The following PHLPP1 variants were observed in gnomAD, a reference collection of about 807,000 sequenced individuals.
The protein encoded by PHLPP1 is PH domain and leucine rich repeat protein phosphatase 1, also known as PH domain leucine-rich repeat-containing protein phosphatase 1.
Under a neutral mutation model 117.2 loss-of-function variants are expected in PHLPP1, and 42 were observed. That is an observed-to-expected ratio of 0.36 (90% CI 0.28 to 0.46). The LOEUF (loss-of-function observed/expected upper bound fraction) is 0.46. Among genes scored for constraint, PHLPP1 ranks in the 20% least tolerant of loss-of-function variants. The probability of loss-of-function intolerance (pLI) is 1.00; values close to 1 mark genes in which losing one functional copy is unlikely to be tolerated. For synonymous variants in PHLPP1, 1,042 were observed against 970.7 expected (o/e 1.07, Z -1.37); for missense variants, 2,084 against 2,241.9 (o/e 0.93, Z 1.42).
At chr18:62,849,587 G>A (rs1915267521) in intron 3 of PHLPP1, among the ~76,000 whole-genome samples, 1 of 147,058 alleles carries the variant, frequency 6.8e-6, no homozygotes, top group African/African-American at 2.5e-5. Flanking sequence ...TTTGAACCCA[G>A]GAGGCGAAGC....
At position 62,717,165 on chromosome 18, in the gene PHLPP1, T is replaced by C. The variant is rs1304992988; in HGVS notation, c.1482T>C (p.Asn494=). ...AGGAGAAGCCATTGCAGATCCAAAA[T>C]GACTACCTCTTCCAACTGGGATTTG... ...EAEEKPLQIQ[N]DYLFQLGFGE... Residue 494 remains asparagine, a synonymous_variant, in exon 1 of 17, where the codon AAT becomes AAC. Coordinates refer to ENST00000262719, the MANE Select transcript of PHLPP1 (RefSeq NM_194449.4). The C allele has an allele frequency of 8.1e-6, 13 of 1,597,788 alleles. 1 individual carries two copies. The South Asian group carries it at 1.1e-4, about 14-fold the overall frequency.
In PHLPP1 at chr18:62,716,240, A is replaced by T; in HGVS notation, c.557A>T (p.Gln186Leu). 6.5e-7 allele frequency: 1 copy of T among 1,529,540 alleles called. No individual in the cohort carries two copies. Among genetic ancestry groups the T allele is most frequent in the South Asian group, 1.2e-5 (1 of 83,130 alleles). The allele number at this position is 1,529,540 out of a possible 1,614,324, so 94.7% of individuals were successfully genotyped here. Residue 186 changes from glutamine to leucine, a missense_variant, in exon 1 of 17, where the codon CAG becomes CTG. Physicochemically the swap from Gln to Leu is moderately radical, Grantham distance 113. Transcript: ENST00000262719. The surrounding 1 kb of genome is among the most constrained non-coding windows in gnomAD (Gnocchi z 5.7). The stretch of plus-strand genomic sequence containing the variant: ...CTTCTGAAGCACCGGCAGACGCTGC[A>T]GCTGCAGCCGTCGGACCGGGACTGG... Reference protein sequence around the residue: ...TLLLKHRQTLQLQPSDRDWVR... With the variant: ...TLLLKHRQTLLLQPSDRDWVR...
At chr18:62,949,145 T>C (rs1910380597) in intron 12 of PHLPP1, among the ~76,000 whole-genome samples, 1 of 152,192 alleles carries the variant, frequency 6.6e-6, no homozygotes, top group Admixed American at 6.5e-5. Context: ...CATATAAAGG[T>C]ATTAAGATCA....
intron 1 of PHLPP1, among the ~76,000 whole-genome samples, chr18:62,804,400 T>C (rs972186014): frequency 2.0e-5 from 3 of 152,022 alleles, no homozygotes; most frequent in Non-Finnish European, 4.4e-5. Context: ...TCATTTTTTA[T>C]TGGGTTGCCC....
intron 1 of PHLPP1, among the ~76,000 whole-genome samples, chr18:62,818,294 G>T (rs1403836741): frequency 6.6e-6 from 1 of 152,128 alleles, no homozygotes; most frequent in African/African-American, 2.4e-5. Context: ...ACTTTGGGAA[G>T]CCAAGGCAGG....
intron 1 of PHLPP1, among the ~76,000 whole-genome samples, chr18:62,816,592 A>G (rs973489003): frequency 6.6e-6 from 1 of 152,148 alleles, no homozygotes; most frequent in African/African-American, 2.4e-5. Context: ...AATAATAAAA[A>G]AAAAGAAGTT....
chr18:62,751,495 C>T (rs1410188205), intron 1 of PHLPP1, among the ~76,000 whole-genome samples: 1 of 152,144 alleles, frequency 6.6e-6, no homozygotes, highest in Non-Finnish European at 1.5e-5. Flanking sequence ...CCTTGTTAGT[C>T]CAGTCCAGCT....
chr18:62,814,849 G>A (rs892606609), intron 1 of PHLPP1, among the ~76,000 whole-genome samples: 2 of 152,162 alleles, frequency 1.3e-5, no homozygotes, highest in African/African-American at 4.8e-5. Flanking sequence ...GGAAGTGTAG[G>A]TTATTAAAGT....
At chr18:62,834,995 T>C (rs1914852024) in intron 2 of PHLPP1, among the ~76,000 whole-genome samples, 1 of 152,212 alleles carries the variant, frequency 6.6e-6, no homozygotes, top group African/African-American at 2.4e-5. Context: ...TTTTTGAGTA[T>C]TGATCTTGAG....
At chr18:62,734,869 A>G (rs1476125172) in intron 1 of PHLPP1, among the ~76,000 whole-genome samples, 8 of 152,184 alleles carry the variant, frequency 5.3e-5, no homozygotes, top group African/African-American at 1.4e-4. Context: ...GTTAGCACCA[A>G]TGTAATCAGG....
chr18:62,815,241 T>C (rs1914238556), intron 1 of PHLPP1, among the ~76,000 whole-genome samples: 1 of 150,896 alleles, frequency 6.6e-6, no homozygotes, highest in African/African-American at 2.4e-5. Context: ...CACTGCAAGC[T>C]CTGCCTCCCA....
chr18:62,815,086 G>A (rs1436543057), intron 1 of PHLPP1, among the ~76,000 whole-genome samples: 1 of 151,732 alleles, frequency 6.6e-6, no homozygotes, highest in African/African-American at 2.4e-5. Context: ...CCATCTTGAA[G>A]TTTGCAGTCT....
At chr18:62,955,546 C>A (rs1910586554) in intron 12 of PHLPP1, among the ~76,000 whole-genome samples, 1 of 152,148 alleles carries the variant, frequency 6.6e-6, no homozygotes, top group Non-Finnish European at 1.5e-5. Context: ...GAATCAGAGA[C>A]TCTGTCACAG....
intron 4 of PHLPP1, among the ~76,000 whole-genome samples, chr18:62,864,114 C>T (rs372706830): frequency 6.6e-5 from 10 of 152,056 alleles, no homozygotes; most frequent in East Asian, 3.9e-4. Context: ...CTCCACCTCC[C>T]GGGTTCAAGC....
At chr18:62,746,915 ATCTAATGGTTGTAGCTATAT>A (rs1911691968) in intron 1 of PHLPP1, among the ~76,000 whole-genome samples, 1 of 152,166 alleles carries the variant, frequency 6.6e-6, no homozygotes, top group Non-Finnish European at 1.5e-5. Flanking sequence ...ATTCAAATGT[ATCTAATGGTTGTAGCTATAT>A]TCAGGTTTTC....
At chr18:62,795,224 T>C (rs1913591213) in intron 1 of PHLPP1, among the ~76,000 whole-genome samples, 1 of 152,098 alleles carries the variant, frequency 6.6e-6, no homozygotes, top group African/African-American at 2.4e-5. Flanking sequence ...ACACTTGTAA[T>C]CCCAGCACTT....
intron 10 of PHLPP1, among the ~76,000 whole-genome samples, chr18:62,936,865 A>G (rs1298980600): frequency 6.6e-6 from 1 of 152,222 alleles, no homozygotes; most frequent in Non-Finnish European, 1.5e-5. Flanking sequence ...TGGAACTGTC[A>G]AAAGTACTTT....
At chr18:62,916,586 C>G (rs572473554) in intron 9 of PHLPP1, among the ~76,000 whole-genome samples, 1 of 139,636 alleles carries the variant, frequency 7.2e-6, no homozygotes, top group East Asian at 2.0e-4. Context: ...TTGCAGCCAT[C>G]ACCATTAACA....
chr18:62,851,679 T>G (rs1001790790), intron 3 of PHLPP1, among the ~76,000 whole-genome samples: 7 of 152,136 alleles, frequency 4.6e-5, no homozygotes, highest in African/African-American at 1.7e-4. Flanking sequence ...CAGACTGGTC[T>G]CAAACTCCTG....
Sources: gnomAD v4.1 joint callset for allele counts (sites outside exome capture counted in the v4.1 genomes callset) on GRCh38, gnomAD v4.1.1 for gene constraint, Gnocchi (gnomAD v3.1) non-coding constraint, MANE v1.5 for transcripts, NCBI Gene and HGNC (gene_info 2026-07-23, HGNC 2026-07-21) for gene names.